The following DNAAF8 variants were observed in gnomAD, a reference collection of about 807,000 sequenced individuals.
DNAAF8 encodes the protein dynein axonemal assembly factor 8.
Under a neutral mutation model 54.6 loss-of-function variants are expected in DNAAF8, and 61 were observed. The observed-to-expected ratio is 1.12, with a 90% CI of 0.91 to 1.38. DNAAF8 has a LOEUF of 1.38. DNAAF8 is among the 40% of genes most tolerant of loss of function. The pLI is 0.00. For missense variants in DNAAF8, 837 were observed against 665.0 expected, an observed-to-expected ratio of 1.26 and a Z score of -2.85; for synonymous variants, 320 against 270.1, an observed-to-expected ratio of 1.18 and a Z score of -1.81.
chr16:4,734,745 G>A (rs2081850621), intron 1 of DNAAF8, 47 bp downstream of exon 1: 1 of 152,330 alleles, frequency 6.6e-6, no homozygotes, highest in Non-Finnish European at 1.5e-5. Context: ...TGAACAAAAC[G>A]CGGGGAAATA....
chr16:4,735,463 C>T (rs1380842723), intron 1 of DNAAF8, among the ~76,000 whole-genome samples: 1 of 152,138 alleles, frequency 6.6e-6, no homozygotes, highest in African/African-American at 2.4e-5. Flanking sequence ...CGGGCACTGA[C>T]TGCAGGGCCA....
chr16:4,740,066 A>G (rs1364729408), intron 3 of DNAAF8, 87 bp from the exon 4 acceptor site: 2 of 1,441,578 alleles, frequency 1.4e-6, no homozygotes, highest in South Asian at 1.4e-5. Flanking sequence ...CTCAAAAAAA[A>G]AAAAAAAGTA....
At chr16:4,736,759 T>C (rs1293827461) in intron 2 of DNAAF8, 116 bp downstream of exon 2, 2 of 1,162,470 alleles carry the variant, frequency 1.7e-6, no homozygotes, top group East Asian at 2.8e-5. Context: ...CCTGTGCAGT[T>C]TGTTGTCATT....
intron 3 of DNAAF8, among the ~76,000 whole-genome samples, chr16:4,739,267 T>TTTTTTTTTTG (rs1208232619): frequency 3.9e-5 from 5 of 128,448 alleles, no homozygotes; most frequent in African/African-American, 1.5e-4. Context: ...TTTTTCTTGT[T>TTTTTTTTTTG]TTTTTTTTTT....
Position 4,740,332 on chromosome 16 carries a change from A to G in DNAAF8, c.456A>G (p.Gly152=), listed in dbSNP as rs2081946399. The change falls in exon 4 of 10, where the codon GGA becomes GGG. Residue 152 remains glycine, a synonymous_variant. Transcript: ENST00000299320. ...EPPRWLEGDL[G]SLSFNTKGSQ... is the part of the protein sequence containing the mutation. Reference sequence around the variant, plus strand: ...CCAGGTGGCTGGAAGGCGACCTTGGAAGCCTGTCTTTCAACACCAAAGGAT... The same window carrying G: ...CCAGGTGGCTGGAAGGCGACCTTGGGAGCCTGTCTTTCAACACCAAAGGAT... 4 of 1,613,798 alleles carry G rather than the reference A, an allele frequency of 2.5e-6. No homozygotes were observed. The highest frequency in any genetic ancestry group is 3.4e-6 in the Non-Finnish European group (4 of 1,179,954).
intron 3 of DNAAF8, 118 bp downstream of exon 3, chr16:4,738,064 T>C (rs183992795): frequency 1.2e-4 from 151 of 1,257,732 alleles, no homozygotes; most frequent in Admixed American, 9.4e-4. Flanking sequence ...CTTTTTTTTT[T>C]CCCCCATGTA....
chr16:4,740,698 T>C (rs762343761), intron 4 of DNAAF8, 39 bp downstream of exon 4: 2 of 1,529,428 alleles, frequency 1.3e-6, no homozygotes, highest in South Asian at 2.5e-5. Context: ...CTCAGGCCTG[T>C]TACCTGTGGC....
rs942899263 is a variant in DNAAF8, at chr16:4,734,644, G to C, written c.-106G>C. ...CGGACGCGAGCGGAGTGACGCGCTG[G>C]AGGCTGTTTATAGCGCTGTCAGGAC... On this transcript the variant is annotated 5_prime_UTR_variant, in exon 1 of 10. Coordinates refer to ENST00000299320, the MANE Select transcript of DNAAF8 (RefSeq NM_139170.3). 6.6e-6 allele frequency: 1 copy of C among 152,346 alleles called. No homozygotes were observed. The highest frequency in any genetic ancestry group is 1.5e-5 in the Non-Finnish European group (1 of 68,184). 9.4% of individuals were successfully genotyped at this position (152,346 alleles called of 1,614,324 possible). A position where few individuals can be genotyped will look rare whatever the true frequency, so the allele number is the denominator to read the frequency against.
chr16:4,742,794 G>C (rs1343903343), intron 4 of DNAAF8, among the ~76,000 whole-genome samples: 3 of 152,136 alleles, frequency 2.0e-5, no homozygotes, highest in East Asian at 1.9e-4. Context: ...AAAAACAAAA[G>C]TGAAGTACTG....
In DNAAF8 at chr16:4,738,122, C is replaced by G. The variant is rs554884757; in HGVS notation, c.276+176C>G. On this transcript the variant is annotated intron_variant, in intron 3 of 9. Coordinates refer to ENST00000299320, the MANE Select transcript of DNAAF8 (RefSeq NM_139170.3). ...CAACATCTAACCTCCACGCACCTCCCTCTCCTGGGGAGCCCGGCACCTTAG... is the reference window on the plus strand; with the variant it reads ...CAACATCTAACCTCCACGCACCTCCGTCTCCTGGGGAGCCCGGCACCTTAG... The G allele has an allele frequency of 1.9e-5, 15 of 801,292 alleles. No individual in the cohort carries two copies. In the African/African-American group the frequency reaches 2.6e-4, roughly 14 times the overall value. The allele number at this position is 801,292 out of a possible 1,614,324, so 49.6% of individuals were successfully genotyped here.
intron 9 of DNAAF8, 109 bp downstream of exon 9, chr16:4,747,743 C>A: frequency 1.5e-6 from 2 of 1,313,044 alleles, no homozygotes; most frequent in East Asian, 2.5e-5. Context: ...ATTCCAGAGG[C>A]AGGGACCCTC....
In DNAAF8 at chr16:4,744,974, A is replaced by T. The variant is rs560235749; in HGVS notation, c.1006A>T (p.Thr336Ser). Residue 336 changes from threonine (T) to serine (S), a missense_variant, in exon 6 of 10, where the codon ACT becomes TCT. Transcript: ENST00000299320. ...TTGTGCCCGGAAGGTGCCTGCCGAC[A>T]CTCCCCAGGACACCAAAGAGGCAGA... ...SACARKVPADTPQDTKEADSG... is the reference protein window; with the variant it reads ...SACARKVPADSPQDTKEADSG... 1.2e-6 allele frequency: 2 copies of T among 1,613,692 alleles called. No homozygotes were observed. Among genetic ancestry groups the T allele is most frequent in the Non-Finnish European group, 1.7e-6 (2 of 1,179,858 alleles).
intron 4 of DNAAF8, among the ~76,000 whole-genome samples, chr16:4,742,311 T>C (rs1377540193): frequency 6.6e-6 from 1 of 152,024 alleles, no homozygotes; most frequent in Non-Finnish European, 1.5e-5. Flanking sequence ...TCACAACATT[T>C]TGGGAGACCC....
chr16:4,740,058 CAAAA>C, intron 3 of DNAAF8, 91 bp from the exon 4 acceptor site: 17 of 1,212,710 alleles, frequency 1.4e-5, no homozygotes, highest in South Asian at 4.8e-5. Flanking sequence ...GACTTCACCT[CAAAA>C]AAAAAAAAAA....
At chr16:4,746,343 T>G (rs1430767505) in intron 6 of DNAAF8, 32 bp from the exon 7 acceptor site, 1 of 1,594,768 alleles carries the variant, frequency 6.3e-7, no homozygotes, top group Non-Finnish European at 8.5e-7. Context: ...CACAGAGAAC[T>G]GACTCCACAA....
chr16:4,746,694 C>T, intron 7 of DNAAF8, 182 bp downstream of exon 7: 1 of 888,860 alleles, frequency 1.1e-6, no homozygotes, highest in Non-Finnish European at 1.7e-6. Flanking sequence ...GGAAGAGGGG[C>T]ATGAGGCACA....
chr16:4,736,049 G>A (rs2081892407), intron 1 of DNAAF8, among the ~76,000 whole-genome samples: 1 of 152,038 alleles, frequency 6.6e-6, no homozygotes. Flanking sequence ...GTCCACTGTT[G>A]CTATTTACTA....
chr16:4,745,143 G>C, intron 6 of DNAAF8, 132 bp downstream of exon 6: 1 of 1,208,462 alleles, frequency 8.3e-7, no homozygotes. Flanking sequence ...CATCTGATCA[G>C]GCAGTCGCTC....
chr16:4,747,477 G>C lies in DNAAF8; in HGVS notation c.1415G>C (p.Arg472Pro), dbSNP rs746265671. Residue 472 changes from arginine to proline, a missense_variant, in exon 9 of 10, where the codon CGA becomes CCA. Arg to Pro is a moderately radical substitution (Grantham distance 103). Coordinates refer to ENST00000299320, the MANE Select transcript of DNAAF8 (RefSeq NM_139170.3). ...GCCCCTGAAGACACAGCTGGATCAC[G>C]AACTGGGAGGAAGCAACACATGAAG... The part of the protein sequence containing the change: ...AQAPEDTAGS[R>P]TGRKQHMKLC... 6.2e-7 allele frequency: 1 copy of C among 1,613,270 alleles called. No homozygotes were observed. Among genetic ancestry groups the C allele is most frequent in the Non-Finnish European group, 8.5e-7 (1 of 1,179,992 alleles).
Sources: allele counts gnomAD v4.1 joint callset (sites outside exome capture counted in the v4.1 genomes callset), GRCh38; gene constraint gnomAD v4.1.1; transcripts MANE v1.5; gene names NCBI Gene and HGNC (gene_info 2026-07-23, HGNC 2026-07-21).